Variants in ELP2 observed in about 807,000 individuals in gnomAD.
ELP2 encodes the protein elongator complex protein 2.
In ELP2, 90 loss-of-function variants were observed where a neutral mutation model predicts 119.2. The ratio of observed to expected loss-of-function variants is 0.75; its 90% CI spans 0.64 to 0.90. The LOEUF is 0.90. Among genes scored for constraint, ELP2 ranks in the 40% least tolerant of loss-of-function variants. ELP2 has a pLI of 0.00. For missense variants in ELP2, 921 were observed against 967.8 expected, an observed-to-expected ratio of 0.95 and a Z score of 0.64; for synonymous variants, 339 against 331.0, an observed-to-expected ratio of 1.02 and a Z score of -0.26.
rs2091277555 is a variant in ELP2, at chr18:36,178,849, G to T, written c.*4208G>T. 1 of 152,096 alleles carries T rather than the reference G, an allele frequency of 6.6e-6. No homozygotes were observed. The highest frequency in any genetic ancestry group is 2.4e-5 in the African/African-American group (1 of 41,410). 9.4% of individuals were successfully genotyped at this position (152,096 alleles called of 1,614,324 possible). The stretch of plus-strand genomic sequence containing the variant: ...CAAGGACTAGATGGGTTTTAGATGT[G>T]TGGATTATTAATGAAGCTGGGCAGT... On this transcript the variant is annotated 3_prime_UTR_variant, in exon 22 of 22. Transcript: ENST00000358232.
At chr18:36,150,480 A>G (rs2144684440) in intron 11 of ELP2, among the ~76,000 whole-genome samples, 1 of 152,346 alleles carries the variant, frequency 6.6e-6, no homozygotes, top group East Asian at 1.9e-4. Context: ...TTCAGGTGTC[A>G]TAGGGATAGC....
At chr18:36,142,746 T>C in intron 7 of ELP2, 80 bp from the exon 8 acceptor site, 1 of 912,912 alleles carries the variant, frequency 1.1e-6, no homozygotes, top group South Asian at 1.6e-5. Flanking sequence ...TGGAAATATA[T>C]ATATTATAGA....
At position 36,129,940 on chromosome 18, in the gene ELP2, G is replaced by A. The variant is rs201607486; in HGVS notation, c.7G>A (p.Ala3Thr). Residue 3 changes from alanine (A) to threonine (T), a missense_variant, in exon 1 of 22, where the codon GCA becomes ACA. Coordinates refer to ENST00000358232, the MANE Select transcript of ELP2 (RefSeq NM_018255.4). The stretch of plus-strand genomic sequence containing the variant: ...CGGCTGACCAGTTGGCGACATGGTG[G>A]CACCCGTGCTGGAGACTTCTCACGT... MV[A>T]PVLETSHVFC... 2.5e-6 allele frequency: 4 copies of A among 1,614,192 alleles called. No individual in the cohort carries two copies. In the African/African-American group the frequency reaches 4.0e-5, roughly 16 times the overall value.
rs1472346532 is a variant in ELP2, at chr18:36,164,463, T to G, written c.1762-12T>G. On this transcript the variant is annotated splice_polypyrimidine_tract_variant and intron_variant, in intron 17 of 21. Transcript: ENST00000358232. ...TACTTACTAGCTTCATTGTTTCATCTCTGTCCTATAGGCAGCTAAGAAAGA... is the reference window on the plus strand; with the variant it reads ...TACTTACTAGCTTCATTGTTTCATCGCTGTCCTATAGGCAGCTAAGAAAGA... 6.2e-7 allele frequency: 1 copy of G among 1,612,192 alleles called. No individual in the cohort carries two copies. Among genetic ancestry groups the G allele is most frequent in the East Asian group, 2.2e-5 (1 of 44,862 alleles).
intron 9 of ELP2, chr18:36,145,498 G>A (rs955260543): frequency 3.4e-6 from 1 of 290,626 alleles, no homozygotes; most frequent in Non-Finnish European, 6.6e-6. Context: ...GGTGCTGGGT[G>A]TATAGCTAGG....
At chr18:36,154,400 C>T (rs773153434) in intron 11 of ELP2, among the ~76,000 whole-genome samples, 3 of 152,122 alleles carry the variant, frequency 2.0e-5, no homozygotes, top group Non-Finnish European at 2.9e-5. Context: ...CCCACTGACT[C>T]GTTTTACACA....
intron 19 of ELP2, among the ~76,000 whole-genome samples, chr18:36,168,722 A>G (rs1397128709): frequency 1.3e-5 from 2 of 152,040 alleles, no homozygotes; most frequent in South Asian, 2.1e-4. Context: ...CAGCCAAACC[A>G]TATCACATGC....
chr18:36,161,532 G>C (rs2144755575), intron 17 of ELP2, among the ~76,000 whole-genome samples: 1 of 152,304 alleles, frequency 6.6e-6, no homozygotes, highest in Admixed American at 6.5e-5. Context: ...TCTTGGCACT[G>C]ACCTAAGGTA....
chr18:36,168,512 G>A (rs1417657986), intron 19 of ELP2, among the ~76,000 whole-genome samples: 1 of 152,172 alleles, frequency 6.6e-6, no homozygotes, highest in Non-Finnish European at 1.5e-5. Flanking sequence ...CCTTCTTCAC[G>A]TGGTGGCAGG....
At chr18:36,149,446 C>G (rs1251950063) in intron 11 of ELP2, among the ~76,000 whole-genome samples, 3 of 143,178 alleles carry the variant, frequency 2.1e-5, no homozygotes, top group African/African-American at 7.7e-5. Flanking sequence ...AATTTTGATA[C>G]AAGACTTAGA....
At chr18:36,165,457 C>G (rs1030859079) in intron 18 of ELP2, among the ~76,000 whole-genome samples, 1 of 152,150 alleles carries the variant, frequency 6.6e-6, no homozygotes, top group Non-Finnish European at 1.5e-5. Context: ...TGTGATATTT[C>G]TGGTCTCTTT....
At chr18:36,131,005 C>T (rs987895560) in intron 1 of ELP2, among the ~76,000 whole-genome samples, 6 of 151,316 alleles carry the variant, frequency 4.0e-5, no homozygotes, top group Admixed American at 2.0e-4. Context: ...CCAGTCTCTA[C>T]AAAAAGTTTA....
chr18:36,172,719 G>A lies in ELP2; in HGVS notation c.2324+1559G>A, dbSNP rs117270701. Among the ~76,000 whole-genome samples the A allele has an allele frequency of 5.0e-4, 76 of 152,256 alleles. 1 individual carries two copies. The East Asian group carries it at 0.014, about 28-fold the overall frequency. On this transcript the variant is annotated intron_variant, in intron 21 of 21. Coordinates refer to ENST00000358232, the MANE Select transcript of ELP2 (RefSeq NM_018255.4). ...ACAGTGCTCCCTTCACCTCTAACCT[G>A]GTGTGAAGACCTCTTCAATGGCCAC...
rs2144867906 is a variant in ELP2, at chr18:36,178,413, G to T, written c.*3772G>T. 1 of 152,352 alleles carries T rather than the reference G, an allele frequency of 6.6e-6. No homozygotes were observed. Among genetic ancestry groups the T allele is most frequent in the Middle Eastern group, 3.4e-3 (1 of 294 alleles). 9.4% of individuals were successfully genotyped at this position (152,352 alleles called of 1,614,324 possible). On this transcript the variant is annotated 3_prime_UTR_variant, in exon 22 of 22. Coordinates refer to ENST00000358232, the MANE Select transcript of ELP2 (RefSeq NM_018255.4). ...ACAAATACATTACAAGAGGAAAAGGGAAGGGAAGGGAAGCCTGGAGATTGA... is the reference window on the plus strand; with the variant it reads ...ACAAATACATTACAAGAGGAAAAGGTAAGGGAAGGGAAGCCTGGAGATTGA...
At chr18:36,151,039 C>T (rs1276490362) in intron 11 of ELP2, among the ~76,000 whole-genome samples, 3 of 151,152 alleles carry the variant, frequency 2.0e-5, no homozygotes, top group Non-Finnish European at 4.4e-5. Context: ...TATTGCCCCA[C>T]GCCAGATCAG....
intron 18 of ELP2, among the ~76,000 whole-genome samples, chr18:36,166,497 A>AT (rs1374059357): frequency 6.6e-6 from 1 of 151,108 alleles, no homozygotes. Flanking sequence ...CACCTGGCTA[A>AT]TTTTTTGTAT....
chr18:36,158,786 A>C (rs1482247552), intron 13 of ELP2, 49 bp from the exon 14 acceptor site: 3 of 1,312,752 alleles, frequency 2.3e-6, no homozygotes, highest in Non-Finnish European at 3.3e-6. Flanking sequence ...TAAAATTAGC[A>C]AATAAAACTT....
At position 36,178,394 on chromosome 18, in the gene ELP2, A is replaced by C. The variant is rs2091269291; in HGVS notation, c.*3753A>C. On this transcript the variant is annotated 3_prime_UTR_variant, in exon 22 of 22. Transcript: ENST00000358232. ...GAGGGACCTAGATTCTTCAACAAATACATTACAAGAGGAAAAGGGAAGGGA... is the reference window on the plus strand; with the variant it reads ...GAGGGACCTAGATTCTTCAACAAATCCATTACAAGAGGAAAAGGGAAGGGA... 6.6e-6 allele frequency: 1 copy of C among 152,186 alleles called. No homozygotes were observed. The highest frequency in any genetic ancestry group is 2.4e-5 in the African/African-American group (1 of 41,438). 9.4% of individuals were successfully genotyped at this position (152,186 alleles called of 1,614,324 possible).
At chr18:36,138,740 G>GT (rs1317635766) in intron 4 of ELP2, 55 bp from the exon 5 acceptor site, 1 of 1,427,462 alleles carries the variant, frequency 7.0e-7, no homozygotes, top group Non-Finnish European at 9.9e-7. Context: ...AACCTGTCTA[G>GT]TTGGATAAGC....
Sources: allele counts gnomAD v4.1 joint callset (sites outside exome capture counted in the v4.1 genomes callset), GRCh38; gene constraint gnomAD v4.1.1; transcripts MANE v1.5; gene names NCBI Gene and HGNC (gene_info 2026-07-23, HGNC 2026-07-21).